The following PREX2 variants were observed in gnomAD, a reference collection of about 807,000 sequenced individuals.
PREX2 encodes the protein phosphatidylinositol-3,4,5-trisphosphate dependent Rac exchange factor 2.
Under a neutral mutation model 203.2 loss-of-function variants are expected in PREX2, and 107 were observed. That is an observed-to-expected ratio of 0.53 (90% CI 0.45 to 0.62). The LOEUF is 0.62. Among genes scored for constraint, PREX2 ranks in the 20% least tolerant of loss-of-function variants. The pLI, the probability that PREX2 is intolerant of heterozygous loss-of-function variation, is 0.00. For synonymous variants in PREX2, 672 were observed against 663.6 expected, an observed-to-expected ratio of 1.01 and a Z score of -0.19; for missense variants, 1,777 against 1,955.9, an observed-to-expected ratio of 0.91 and a Z score of 1.72.
At position 68,053,230 on chromosome 8, in the gene PREX2, A is replaced by G; in HGVS notation, c.1077A>G (p.Glu359=). Reference sequence around the variant, plus strand: ...AATGGTTTGAAGCTATTTTGAAAGAAAGAGAACGGCGGAAAGGTGGGTGTA... The same window carrying G: ...AATGGTTTGAAGCTATTTTGAAAGAGAGAGAACGGCGGAAAGGTGGGTGTA... ...KHEWFEAILK[E]RERRKGLKLG... Residue 359 remains glutamate (E), a synonymous_variant, in exon 9 of 40, where the codon GAA becomes GAG. Coordinates refer to ENST00000288368, the MANE Select transcript of PREX2 (RefSeq NM_024870.4). The G allele has an allele frequency of 7.4e-6, 12 of 1,613,664 alleles. No individual in the cohort carries two copies. The highest frequency in any genetic ancestry group is 2.2e-5 in the East Asian group (1 of 44,852).
chr8:68,148,918 G>A (rs1398660341), intron 34 of PREX2, among the ~76,000 whole-genome samples: 1 of 152,166 alleles, frequency 6.6e-6, no homozygotes, highest in East Asian at 1.9e-4. Context: ...ATTGAGAGAA[G>A]TACAGGAAAA....
At chr8:68,156,512 A>G (rs781395377) in intron 34 of PREX2, among the ~76,000 whole-genome samples, 1 of 152,198 alleles carries the variant, frequency 6.6e-6, no homozygotes, top group Non-Finnish European at 1.5e-5. Context: ...GTAGGGGAGG[A>G]AAAATAATTT....
intron 1 of PREX2, among the ~76,000 whole-genome samples, chr8:67,992,776 G>A (rs1336336119): frequency 6.6e-6 from 1 of 152,152 alleles, no homozygotes; most frequent in Non-Finnish European, 1.5e-5. Flanking sequence ...TTTAGTTTGA[G>A]TTATTCATCT....
At chr8:68,088,564 A>G (rs1385481695) in intron 19 of PREX2, among the ~76,000 whole-genome samples, 1 of 152,150 alleles carries the variant, frequency 6.6e-6, no homozygotes, top group East Asian at 1.9e-4. Flanking sequence ...AAATTTTAAG[A>G]GGGCATTTTT....
chr8:67,964,163 GA>G (rs984479118), intron 1 of PREX2, among the ~76,000 whole-genome samples: 8 of 152,310 alleles, frequency 5.3e-5, no homozygotes, highest in African/African-American at 1.7e-4. Context: ...GCCCTAGGGG[GA>G]CAGAGGGTGG....
rs143118157 is a variant in PREX2 at position 67,971,329 on chromosome 8, G to A, written c.141+18794G>A. Among the ~76,000 whole-genome samples the A allele has an allele frequency of 4.1e-3, 629 of 152,226 alleles. 6 individuals are homozygous for A. Among genetic ancestry groups the A allele is most frequent in the African/African-American group, 0.015 (612 of 41,550 alleles). On this transcript the variant is annotated intron_variant, in intron 1 of 39. Transcript: ENST00000288368. ...CAACAAAAGTCAGAAAGACTAAATC[G>A]GTGAGGAATATTGCTGATGCTTGGA...
chr8:68,016,653 C>T (rs117092011), intron 1 of PREX2, among the ~76,000 whole-genome samples: 1,983 of 152,216 alleles, frequency 0.013, 24 homozygotes, highest in Middle Eastern at 0.021. Flanking sequence ...TACTCTGTCA[C>T]CCAGACTGGA....
intron 35 of PREX2, among the ~76,000 whole-genome samples, chr8:68,158,141 A>G (rs1811581776): frequency 1.3e-5 from 2 of 149,568 alleles, no homozygotes; most frequent in South Asian, 2.1e-4. Context: ...ATATACACAC[A>G]TATATGAATA....
chr8:67,997,756 T>A (rs1806808475), intron 1 of PREX2, among the ~76,000 whole-genome samples: 1 of 152,164 alleles, frequency 6.6e-6, no homozygotes, highest in African/African-American at 2.4e-5. Flanking sequence ...GATATCTTAA[T>A]TGATATCAGT....
chr8:67,968,853 C>T (rs1805845656), intron 1 of PREX2, among the ~76,000 whole-genome samples: 1 of 152,192 alleles, frequency 6.6e-6, no homozygotes. Context: ...TTGTACCAAA[C>T]TAACCCACAA....
chr8:68,037,041 A>T (rs1241923424), intron 6 of PREX2, among the ~76,000 whole-genome samples: 1 of 152,174 alleles, frequency 6.6e-6, no homozygotes, highest in African/African-American at 2.4e-5. Flanking sequence ...CCCATTTTGG[A>T]AGTTTGAGTT....
chr8:68,201,790 T>C (rs1309149592), intron 37 of PREX2, among the ~76,000 whole-genome samples: 1 of 152,152 alleles, frequency 6.6e-6, no homozygotes, highest in East Asian at 1.9e-4. Context: ...GAAGCAGCAT[T>C]CCTGCCTTTG....
chr8:68,145,350 T>C (rs1440050319), intron 33 of PREX2, among the ~76,000 whole-genome samples: 1 of 152,214 alleles, frequency 6.6e-6, no homozygotes, highest in Non-Finnish European at 1.5e-5. Flanking sequence ...ATAAGGAGCC[T>C]GGAATCTGTG....
At chr8:67,978,502 A>G (rs1487600534) in intron 1 of PREX2, among the ~76,000 whole-genome samples, 1 of 152,130 alleles carries the variant, frequency 6.6e-6, no homozygotes, top group Non-Finnish European at 1.5e-5. Context: ...TTCACTTACT[A>G]TGTTTGTGGG....
chr8:67,958,400 C>T (rs1014496178), intron 1 of PREX2, among the ~76,000 whole-genome samples: 4 of 152,202 alleles, frequency 2.6e-5, no homozygotes, highest in African/African-American at 9.6e-5. Flanking sequence ...TATGTGACCT[C>T]AGCGTGGCAG....
chr8:68,019,679 A>T lies in PREX2; in HGVS notation c.336+8A>T. ...ACCTGCTTTCTTCACTTTGTAGGAT[A>T]AATTTCTTTTTATTTTAAAAGTTCT... On this transcript the variant is annotated splice_region_variant and intron_variant, in intron 3 of 39. Transcript: ENST00000288368. 1.3e-6 allele frequency: 2 copies of T among 1,595,262 alleles called. No individual in the cohort carries two copies. Among genetic ancestry groups the T allele is most frequent in the Non-Finnish European group, 1.7e-6 (2 of 1,175,182 alleles).
chr8:68,074,675 T>A (rs1004447906), intron 14 of PREX2, among the ~76,000 whole-genome samples: 3 of 151,714 alleles, frequency 2.0e-5, no homozygotes, highest in African/African-American at 7.3e-5. Context: ...AAGAGGTTTT[T>A]GTTTGTTTGT....
chr8:68,185,017 C>T (rs933419475), intron 35 of PREX2, among the ~76,000 whole-genome samples: 35 of 152,114 alleles, frequency 2.3e-4, no homozygotes, highest in African/African-American at 7.5e-4. Context: ...CCAATCTCAG[C>T]GTTCCTCAGA....
At position 68,109,476 on chromosome 8, in the gene PREX2, G is replaced by A. The variant is rs1810490858; in HGVS notation, c.2999G>A (p.Gly1000Asp). Residue 1000 changes from glycine (G) to aspartate (D), a missense_variant, in exon 25 of 40, where the codon GGT becomes GAT. Physicochemically the swap from Gly to Asp is moderately conservative, Grantham distance 94 (BLOSUM62 -1). Coordinates refer to ENST00000288368, the MANE Select transcript of PREX2 (RefSeq NM_024870.4). ...ATCACAACCATGGCGGCCCCTTCAGGTCTGTCTCTGGGACAGCAGGATGGC... is the reference window on the plus strand; with the variant it reads ...ATCACAACCATGGCGGCCCCTTCAGATCTGTCTCTGGGACAGCAGGATGGC... Reference protein sequence around the residue: ...HTITTMAAPSGLSLGQQDGHG... With the variant: ...HTITTMAAPSDLSLGQQDGHG... 2 of 1,614,024 alleles carry A rather than the reference G, an allele frequency of 1.2e-6. No individual in the cohort carries two copies. The highest frequency in any genetic ancestry group is 1.7e-6 in the Non-Finnish European group (2 of 1,179,926).
Sources: gnomAD v4.1 joint callset for allele counts (sites outside exome capture counted in the v4.1 genomes callset) on GRCh38, gnomAD v4.1.1 for gene constraint, MANE v1.5 for transcripts, NCBI Gene and HGNC (gene_info 2026-07-23, HGNC 2026-07-21) for gene names.